Variants in C10orf53 observed in about 807,000 individuals in gnomAD.
C10orf53 encodes UPF0728 protein C10orf53.
In C10orf53, 8 loss-of-function variants were observed where a neutral mutation model predicts 9.4. The observed-to-expected ratio is 0.85, with a 90% confidence interval of 0.50 to 1.53. C10orf53 has a LOEUF of 1.53. Among genes scored for constraint, C10orf53 ranks in the 40% most tolerant of loss-of-function variants. C10orf53 has a pLI of 0.00. For synonymous variants in C10orf53, 48 were observed against 46.0 expected, an observed-to-expected ratio of 1.04 and a Z score of -0.18; for missense variants, 117 against 117.8, an observed-to-expected ratio of 0.99 and a Z score of 0.03.
At position 49,696,046 on chromosome 10, in the gene C10orf53, T is replaced by A. The variant is rs1409761577; in HGVS notation, c.*1444T>A. ...AAGTACAACTTTAGTAACATTTTTA[T>A]ATATTTCAATTTGGGTTTCTTCTGT... On this transcript the variant is annotated 3_prime_UTR_variant, in exon 3 of 3. Transcript: ENST00000374111. The A allele has an allele frequency of 6.6e-6, 1 of 152,244 alleles. No individual in the cohort carries two copies. The highest frequency in any genetic ancestry group is 1.5e-5 in the Non-Finnish European group (1 of 68,046). 9.4% of individuals were successfully genotyped at this position (152,244 alleles called of 1,614,324 possible).
In C10orf53 at chr10:49,696,146, G is replaced by GT. The variant is rs1365734146; in HGVS notation, c.*1545dup. On this transcript the variant is annotated 3_prime_UTR_variant, in exon 3 of 3. Transcript: ENST00000374111. The stretch of plus-strand genomic sequence containing the variant: ...CCATTTGAGATTTATGCACAATTTT[G>GT]TAAGTTTTTAAAAATTTTTCAACTT... The GT allele has an allele frequency of 6.6e-5, 10 of 152,132 alleles. No individual in the cohort carries two copies. Among genetic ancestry groups the GT allele is most frequent in the African/African-American group, 2.4e-4 (10 of 41,428 alleles). The allele number at this position is 152,132 out of a possible 1,614,324, so 9.4% of individuals were successfully genotyped here.
chr10:49,682,302 G>T (rs138843449), intron 1 of C10orf53, among the ~76,000 whole-genome samples: 1 of 152,038 alleles, frequency 6.6e-6, no homozygotes, highest in Non-Finnish European at 1.5e-5. Context: ...TCATGGTCTC[G>T]CTGACTTCAA....
intron 1 of C10orf53, among the ~76,000 whole-genome samples, chr10:49,687,076 T>C (rs2132877087): frequency 6.6e-6 from 1 of 152,362 alleles, no homozygotes; most frequent in South Asian, 2.1e-4. Context: ...TTGGTTGCTG[T>C]AGACCTTTGA....
intron 1 of C10orf53, among the ~76,000 whole-genome samples, chr10:49,684,472 A>G (rs1361710893): frequency 6.6e-6 from 1 of 152,222 alleles, no homozygotes; most frequent in Non-Finnish European, 1.5e-5. Flanking sequence ...AACAATATTA[A>G]GCCGTTTAGT....
At chr10:49,687,478 G>A (rs1214710505) in intron 1 of C10orf53, among the ~76,000 whole-genome samples, 1 of 152,202 alleles carries the variant, frequency 6.6e-6, no homozygotes, top group South Asian at 2.1e-4. Flanking sequence ...GGGCTCTGAA[G>A]TCAACACATA....
At chr10:49,704,973 C>T (rs1307923256) in intron 2 of C10orf53, among the ~76,000 whole-genome samples, 1 of 152,214 alleles carries the variant, frequency 6.6e-6, no homozygotes, top group Non-Finnish European at 1.5e-5. Flanking sequence ...AATTTATGTG[C>T]ATACAAGGAA....
chr10:49,699,688 C>A (rs192026521), downstream of C10orf53, among the ~76,000 whole-genome samples: 86 of 152,320 alleles, frequency 5.6e-4, no homozygotes, highest in African/African-American at 1.5e-3. Flanking sequence ...TCCCAGAAGG[C>A]CCCTGGCTCT....
chr10:49,701,450 A>C, downstream of C10orf53, among the ~76,000 whole-genome samples: 1 of 152,152 alleles, frequency 6.6e-6, no homozygotes, highest in East Asian at 1.9e-4. Flanking sequence ...CTGAGTTGCT[A>C]TAACTATTGT....
rs1281992110 is a variant in C10orf53 at position 49,679,751 on chromosome 10, C to A, written c.54C>A (p.Gly18=). 4 of 1,546,666 alleles carry A rather than the reference C, an allele frequency of 2.6e-6. No homozygotes were observed. In the African/African-American group the frequency reaches 5.5e-5, roughly 21 times the overall value. The change falls in exon 1 of 3, where the codon GGC becomes GGA. Residue 18 remains glycine (G), a synonymous_variant. Transcript: ENST00000374111. The part of the protein sequence containing the change: ...ILRYGPYSAA[G]LPVEHHTFRL... ...GCTATGGGCCCTACAGCGCGGCAGG[C>A]CTACCGGTGGAGCACCACACCTTCC...
At chr10:49,689,738 G>A (rs1401791722) in intron 1 of C10orf53, among the ~76,000 whole-genome samples, 2 of 152,076 alleles carry the variant, frequency 1.3e-5, no homozygotes, top group East Asian at 1.9e-4. Flanking sequence ...CACTGCGAAG[G>A]GAACAAAGCA....
exon 3 of C10orf53, chr10:49,709,726 A>C (rs919183709): frequency 1.3e-5 from 2 of 152,420 alleles, no homozygotes; most frequent in Non-Finnish European, 2.9e-5. Flanking sequence ...CCCACCCCAC[A>C]GCCCTAAGTG....
At chr10:49,680,576 C>G (rs1348185692) in intron 1 of C10orf53, among the ~76,000 whole-genome samples, 1 of 152,152 alleles carries the variant, frequency 6.6e-6, no homozygotes, top group Non-Finnish European at 1.5e-5. Context: ...GAGAGGTAAT[C>G]AGGCCAGATC....
rs113601238 is a variant in C10orf53 at position 49,704,972 on chromosome 10, G to T, written c.218-3389G>T. Reference sequence around the variant, plus strand: ...CTAAATCTATTCAAAAAATTTATGTGCATACAAGGAAATGCTTGTAATAAC... The same window carrying T: ...CTAAATCTATTCAAAAAATTTATGTTCATACAAGGAAATGCTTGTAATAAC... On this transcript the variant is annotated intron_variant, in intron 2 of 2. Coordinates refer to the C10orf53 transcript ENST00000374112. Among the ~76,000 whole-genome samples the T allele has an allele frequency of 4.1e-3, 621 of 152,348 alleles. 6 individuals carry two copies. The highest frequency in any genetic ancestry group is 0.014 in the African/African-American group (571 of 41,580).
At chr10:49,701,426 T>A (rs1564508632), downstream of C10orf53, among the ~76,000 whole-genome samples, 1 of 152,192 alleles carries the variant, frequency 6.6e-6, no homozygotes, top group Non-Finnish European at 1.5e-5. Context: ...TATTTTACAC[T>A]TAGAAGTATA....
chr10:49,692,766 A>G (rs992165796), intron 1 of C10orf53, among the ~76,000 whole-genome samples: 4 of 152,198 alleles, frequency 2.6e-5, no homozygotes, highest in South Asian at 2.1e-4. Flanking sequence ...ACACCTTTGC[A>G]TTTCCACAAT....
chr10:49,684,192 G>T (rs1424830928), intron 1 of C10orf53, among the ~76,000 whole-genome samples: 2 of 152,088 alleles, frequency 1.3e-5, no homozygotes, highest in Non-Finnish European at 2.9e-5. Flanking sequence ...TTATTTCTAG[G>T]CTCTCAATTC....
At chr10:49,691,938 G>A (rs1840588902) in intron 1 of C10orf53, among the ~76,000 whole-genome samples, 1 of 152,216 alleles carries the variant, frequency 6.6e-6, no homozygotes, top group South Asian at 2.1e-4. Context: ...GTGTAAGGTG[G>A]GAATGGAGAA....
downstream of C10orf53, among the ~76,000 whole-genome samples, chr10:49,700,667 C>T (rs1840675634): frequency 6.6e-6 from 1 of 152,156 alleles, no homozygotes. Context: ...GATGTCAACT[C>T]TTTTGCTAGA....
intron 2 of C10orf53, among the ~76,000 whole-genome samples, chr10:49,704,918 C>A (rs541573004): frequency 8.4e-4 from 128 of 152,238 alleles, no homozygotes; most frequent in African/African-American, 3.0e-3. Context: ...TTTATACCTC[C>A]CTAAAGGGAT....
Sources: gnomAD v4.1 joint callset for allele counts (sites outside exome capture counted in the v4.1 genomes callset) on GRCh38, gnomAD v4.1.1 for gene constraint, MANE v1.5 for transcripts, NCBI Gene and HGNC (gene_info 2026-07-23, HGNC 2026-07-21) for gene names.